The following SHOC2 variants were observed in gnomAD, a reference collection of about 807,000 sequenced individuals.
SHOC2 encodes SHOC2 leucine rich repeat scaffold protein.
SHOC2 carries 4 observed loss-of-function variants against 50.2 expected under a neutral mutation model. The ratio of observed to expected loss-of-function variants is 0.08; its 90% CI spans 0.04 to 0.18. SHOC2 has a LOEUF of 0.18. Ranked by LOEUF, SHOC2 falls within the 10% of genes least tolerant of loss-of-function variation. The probability of loss-of-function intolerance (pLI) is 1.00; values close to 1 mark genes in which losing one functional copy is unlikely to be tolerated. For missense variants in SHOC2, 388 were observed against 669.6 expected (o/e 0.58, Z 4.64); for synonymous variants, 218 against 244.5 (o/e 0.89, Z 1.01).
chr10:111,011,683 A>G lies in SHOC2; in HGVS notation c.1614A>G (p.Ala538=), dbSNP rs148813760. The change falls in exon 9 of 9, where the codon GCA becomes GCG. Residue 538 remains alanine, a synonymous_variant. Coordinates refer to ENST00000369452, the MANE Select transcript of SHOC2 (RefSeq NM_007373.4). ...TGCATAGCCTTCCCTTTGAGCTGGCACTCTGCAGCAAGCTTTCAATCATGA... is the reference window on the plus strand; with the variant it reads ...TGCATAGCCTTCCCTTTGAGCTGGCGCTCTGCAGCAAGCTTTCAATCATGA... ...PNLHSLPFEL[A]LCSKLSIMSI... 1 of 1,613,834 alleles carries G rather than the reference A, an allele frequency of 6.2e-7. No individual in the cohort carries two copies. The highest frequency in any genetic ancestry group is 8.5e-7 in the Non-Finnish European group (1 of 1,179,854).
intron 5 of SHOC2, among the ~76,000 whole-genome samples, chr10:111,005,901 A>C (rs1848457532): frequency 6.6e-6 from 1 of 152,194 alleles, no homozygotes; most frequent in African/African-American, 2.4e-5. Flanking sequence ...AATTTCATCC[A>C]CACTTGCTCA....
chr10:110,979,210 A>G (rs189336693), intron 2 of SHOC2, among the ~76,000 whole-genome samples: 1 of 152,296 alleles, frequency 6.6e-6, no homozygotes, highest in East Asian at 1.9e-4. Flanking sequence ...GAGGGCTTCA[A>G]TTTCTTGCTG....
rs150273190 is a variant in SHOC2, at chr10:110,995,140, T to C, written c.842-5275T>C. ...ATAAATAATGAAATGTTTTAGTTTC[T>C]GTAATTATTAAGAAAGTATGAATTA... is the stretch of plus-strand genomic sequence containing the variant. On this transcript the variant is annotated intron_variant, in intron 3 of 8. Transcript: ENST00000369452. 5.2e-3 allele frequency among the ~76,000 whole-genome samples: 788 copies of C among 152,316 alleles called. 8 individuals are homozygous for C. Among genetic ancestry groups the C allele is most frequent in the African/African-American group, 0.018 (755 of 41,566 alleles).
chr10:110,957,996 A>C (rs1847498662), intron 1 of SHOC2, among the ~76,000 whole-genome samples: 1 of 152,142 alleles, frequency 6.6e-6, no homozygotes. Context: ...CCTTCAAACA[A>C]ACTTGTCTGT....
intron 2 of SHOC2, 63 bp from the exon 3 acceptor site, chr10:110,985,565 G>A: frequency 8.3e-7 from 1 of 1,207,456 alleles, no homozygotes; most frequent in Non-Finnish European, 1.2e-6. Flanking sequence ...TTCTTGCTTA[G>A]AAGTATTATC....
At chr10:110,968,707 G>T (rs1847722748) in intron 2 of SHOC2, among the ~76,000 whole-genome samples, 1 of 151,986 alleles carries the variant, frequency 6.6e-6, no homozygotes, top group African/African-American at 2.4e-5. Flanking sequence ...GAAGACTGAG[G>T]CAGGAGGATC....
chr10:110,920,432 A>G (rs1846609497), intron 1 of SHOC2, among the ~76,000 whole-genome samples: 1 of 152,154 alleles, frequency 6.6e-6, no homozygotes, highest in Non-Finnish European at 1.5e-5. Flanking sequence ...CAGCACCTCA[A>G]TATCCATTGT....
At chr10:111,007,043 G>T (rs768296091) in intron 5 of SHOC2, among the ~76,000 whole-genome samples, 59 of 152,028 alleles carry the variant, frequency 3.9e-4, no homozygotes, top group Non-Finnish European at 7.9e-4. Context: ...GATTTAATTT[G>T]CTGTCTTTTT....
intron 1 of SHOC2, among the ~76,000 whole-genome samples, chr10:110,940,930 TTTTTTTTTTTTTTTTTTTG>T (rs1379318391): frequency 0.018 from 2,249 of 121,624 alleles, no homozygotes; most frequent in Non-Finnish European, 0.024. Flanking sequence ...TTTTTTTTTT[TTTTTTTTTTTTTTTTTTTG>T]TGACAGGGTC....
At chr10:110,980,785 A>G (rs546082344) in intron 2 of SHOC2, among the ~76,000 whole-genome samples, 1 of 151,978 alleles carries the variant, frequency 6.6e-6, no homozygotes, top group East Asian at 1.9e-4. Flanking sequence ...TCTCAGTTCA[A>G]ATATGCTTTT....
At chr10:110,955,360 T>G (rs1847439898) in intron 1 of SHOC2, among the ~76,000 whole-genome samples, 1 of 152,222 alleles carries the variant, frequency 6.6e-6, no homozygotes, top group South Asian at 2.1e-4. Flanking sequence ...GAATAACTCT[T>G]AAGTTTCTTA....
Position 110,964,872 on chromosome 10 carries a change from C to T in SHOC2, c.514C>T (p.Arg172Trp), listed in dbSNP as rs1057517872. ...PDSLDNLKKL[R>W]MLDLRHNKLR... ...CTCTCTTGATAACTTGAAGAAGCTG[C>T]GGATGCTTGATTTACGGCATAATAA... The change falls in exon 2 of 9, where the codon CGG becomes TGG. Residue 172 changes from arginine to tryptophan, a missense_variant. Transcript: ENST00000369452. The surrounding 1 kb of genome is among the most constrained non-coding windows in gnomAD (Gnocchi z 4.9). 8 of 1,613,964 alleles carry T rather than the reference C, an allele frequency of 5.0e-6. No individual in the cohort carries two copies. The highest frequency in any genetic ancestry group is 1.1e-5 in the South Asian group (1 of 91,072).
At chr10:110,995,579 G>T (rs532715700) in intron 3 of SHOC2, among the ~76,000 whole-genome samples, 1 of 152,308 alleles carries the variant, frequency 6.6e-6, no homozygotes, top group Admixed American at 6.5e-5. Flanking sequence ...AACCAAGTTG[G>T]ATTCACCAAC....
At chr10:110,963,865 C>T (rs1847620006) in intron 1 of SHOC2, among the ~76,000 whole-genome samples, 1 of 152,092 alleles carries the variant, frequency 6.6e-6, no homozygotes, top group Admixed American at 6.6e-5. Context: ...GTGGTTTCTT[C>T]CACTTTTTAG....
Position 111,012,811 on chromosome 10 carries a change from T to G in SHOC2, c.*993T>G, listed in dbSNP as rs1484222860. The stretch of plus-strand genomic sequence containing the variant: ...TTGTACAATGACATGAATGTCTTTC[T>G]TTGAAAACTGCAATGTATGTATGTT... On this transcript the variant is annotated 3_prime_UTR_variant, in exon 9 of 9. Transcript: ENST00000369452. The G allele has an allele frequency of 6.5e-6, 1 of 152,686 alleles. No individual in the cohort carries two copies. Among genetic ancestry groups the G allele is most frequent in the Non-Finnish European group, 1.5e-5 (1 of 68,038 alleles). 9.5% of individuals were successfully genotyped at this position (152,686 alleles called of 1,614,324 possible). A position where few individuals can be genotyped will look rare whatever the true frequency, so the allele number is the denominator to read the frequency against.
At chr10:110,921,421 C>G (rs1248176226) in intron 1 of SHOC2, among the ~76,000 whole-genome samples, 1 of 152,094 alleles carries the variant, frequency 6.6e-6, no homozygotes, top group South Asian at 2.1e-4. Context: ...TTGTAACTTT[C>G]AAATGTCTGA....
At chr10:111,011,557 C>G (rs1848565567) in intron 8 of SHOC2, 53 bp from the exon 9 acceptor site, 2 of 1,331,750 alleles carry the variant, frequency 1.5e-6, no homozygotes, top group East Asian at 4.7e-5. Context: ...CCCAGTTGAA[C>G]TTTTAAAATA....
At chr10:110,983,530 T>C (rs1440254735) in intron 2 of SHOC2, among the ~76,000 whole-genome samples, 1 of 152,188 alleles carries the variant, frequency 6.6e-6, no homozygotes, top group Non-Finnish European at 1.5e-5. Context: ...TAACATATAA[T>C]TTATCATTTT....
chr10:110,938,949 G>A (rs1847084141), intron 1 of SHOC2, among the ~76,000 whole-genome samples: 1 of 152,096 alleles, frequency 6.6e-6, no homozygotes, highest in South Asian at 2.1e-4. Context: ...AGAGTTTTTT[G>A]ACATGGAAAT....
Sources: allele counts gnomAD v4.1 joint callset (sites outside exome capture counted in the v4.1 genomes callset), GRCh38; gene constraint gnomAD v4.1.1; non-coding constraint Gnocchi (gnomAD v3.1); transcripts MANE v1.5; gene names NCBI Gene and HGNC (gene_info 2026-07-23, HGNC 2026-07-21).